Variants in DHX38 observed in about 807,000 individuals in gnomAD.
DHX38 encodes the protein DEAH-box helicase 38.
In DHX38, 100 loss-of-function variants were observed where a neutral mutation model predicts 153.1. The observed-to-expected ratio is 0.65, with a 90% confidence interval of 0.56 to 0.77. The LOEUF (loss-of-function observed/expected upper bound fraction) is 0.77. DHX38 is among the 30% of genes least tolerant of loss of function. DHX38 has a pLI of 0.00. For missense variants in DHX38, 1,440 were observed against 1,654.0 expected, an observed-to-expected ratio of 0.87 and a Z score of 2.24; for synonymous variants, 650 against 631.7, an observed-to-expected ratio of 1.03 and a Z score of -0.43.
chr16:72,106,043 C>G lies in DHX38; in HGVS notation c.2526C>G (p.Ile842Met). The G allele has an allele frequency of 6.2e-7, 1 of 1,614,240 alleles. No individual in the cohort carries two copies. Among genetic ancestry groups the G allele is most frequent in the Non-Finnish European group, 8.5e-7 (1 of 1,180,040 alleles). ...NPRIGMDALQ[I>M]YPISQANANQ... Reference sequence around the variant, plus strand: ...GGATTGGCATGGATGCTCTGCAGATCTATCCCATTAGCCAGGCCAATGCCA... The same window carrying G: ...GGATTGGCATGGATGCTCTGCAGATGTATCCCATTAGCCAGGCCAATGCCA... The change falls in exon 19 of 27, where the codon ATC (isoleucine) becomes ATG (methionine). Residue 842 changes from isoleucine to methionine, a missense_variant. Ile to Met is a conservative substitution (Grantham distance 10). This residue lies in a region of DHX38 where 543 missense variants were observed against 717.9 expected (regional missense o/e 0.76). Coordinates refer to ENST00000268482, the MANE Select transcript of DHX38 (RefSeq NM_014003.4).
At position 72,099,804 on chromosome 16, in the gene DHX38, G is replaced by C; in HGVS notation, c.1033G>C (p.Glu345Gln). Residue 345 changes from glutamate (E) to glutamine (Q), a missense_variant, in exon 8 of 27, where the codon GAG becomes CAG. Around this residue, in one of 6 missense-constraint regions of DHX38, gnomAD observed 483 missense variants for 465.1 expected, o/e 1.04. Transcript: ENST00000268482. ...CCACAACCCGCTGGCCTACTCCTCC[G>C]AGGACTACGTGAGGAGGCGGGAGCA... Reference protein sequence around the residue: ...EFHNPLAYSSEDYVRRREQHL... With the variant: ...EFHNPLAYSSQDYVRRREQHL... 6.2e-7 allele frequency: 1 copy of C among 1,614,120 alleles called. No homozygotes were observed. Among genetic ancestry groups the C allele is most frequent in the Non-Finnish European group, 8.5e-7 (1 of 1,180,008 alleles).
chr16:72,107,411 T>G lies in DHX38; in HGVS notation c.2672T>G (p.Leu891Arg). 6.2e-7 allele frequency: 1 copy of G among 1,614,126 alleles called. No homozygotes were observed. Among genetic ancestry groups the G allele is most frequent in the Non-Finnish European group, 8.5e-7 (1 of 1,180,026 alleles). ...GTGCCCGAGATCCAGAGGACTAACC[T>G]GGCCAACGTGGTGCTGCTGCTCAAG... is the stretch of plus-strand genomic sequence containing the variant. Reference protein sequence around the residue: ...TTVPEIQRTNLANVVLLLKSL... With the variant: ...TTVPEIQRTNRANVVLLLKSL... The change falls in exon 20 of 27, where the codon CTG becomes CGG. Residue 891 changes from leucine to arginine, a missense_variant. Coordinates refer to ENST00000268482, the MANE Select transcript of DHX38 (RefSeq NM_014003.4). This position sits in a 1 kb window ranked among gnomAD's most constrained non-coding sequence, Gnocchi z 5.3.
chr16:72,103,805 G>A lies in DHX38; in HGVS notation c.1824+17G>A. On this transcript the variant is annotated intron_variant, in intron 13 of 26. Coordinates refer to ENST00000268482, the MANE Select transcript of DHX38 (RefSeq NM_014003.4). ...GGCGAGGAGGTGAGTGGGCGTGGGG[G>A]CTGAGCCATGTAGTTATTCCCTAGT... 2 of 1,606,358 alleles carry A rather than the reference G, an allele frequency of 1.2e-6. No individual in the cohort carries two copies. Among genetic ancestry groups the A allele is most frequent in the Non-Finnish European group, 1.7e-6 (2 of 1,173,576 alleles).
chr16:72,104,648 G>A lies in DHX38; in HGVS notation c.2151+22G>A, dbSNP rs761349483. ...CAAGGTATTGAGGCCACCATGTTAC[G>A]AACTGACCCTTCCATGCCACGCACT... On this transcript the variant is annotated intron_variant, in intron 15 of 26. Transcript: ENST00000268482. This position sits in a 1 kb window ranked among gnomAD's most constrained non-coding sequence, Gnocchi z 4.5. 35 of 1,613,636 alleles carry A rather than the reference G, an allele frequency of 2.2e-5. No homozygotes were observed. Among genetic ancestry groups the A allele is most frequent in the East Asian group, 6.7e-5 (3 of 44,874 alleles).
Position 72,109,969 on chromosome 16 carries a change from G to A in DHX38, c.3477+459G>A, listed in dbSNP as rs868765492. 7.9e-5 allele frequency among the ~76,000 whole-genome samples: 12 copies of A among 152,054 alleles called. No individual in the cohort carries two copies. In the South Asian group the frequency reaches 1.2e-3, roughly 16 times the overall value. ...AAATTTTAAATATAACCTCTGTGCC[G>A]TTATCACTCATAAAAAAATGAATAC... On this transcript the variant is annotated intron_variant, in intron 25 of 26. Transcript: ENST00000268482.
At position 72,098,754 on chromosome 16, in the gene DHX38, T is replaced by C; in HGVS notation, c.726T>C (p.Ser242=). Residue 242 remains serine, a synonymous_variant, in exon 5 of 27, where the codon TCT becomes TCC. Coordinates refer to ENST00000268482, the MANE Select transcript of DHX38 (RefSeq NM_014003.4). ...CCCCGACGCCTTCCTATCGGGATTC[T>C]GAGCGGAGCCATCGGCTGTCCACTC... ...SPSPTPSYRD[S]ERSHRLSTRD... is the part of the protein sequence containing the mutation. The C allele has an allele frequency of 6.2e-7, 1 of 1,614,240 alleles. No homozygotes were observed. Among genetic ancestry groups the C allele is most frequent in the Non-Finnish European group, 8.5e-7 (1 of 1,180,050 alleles).
At chr16:72,109,125 C>T (rs2042224296) in intron 24 of DHX38, among the ~76,000 whole-genome samples, 200 bp downstream of exon 24, 1 of 152,196 alleles carries the variant, frequency 6.6e-6, no homozygotes, top group Non-Finnish European at 1.5e-5. Flanking sequence ...CTGCATTGAC[C>T]TCAGCTGCAT....
At chr16:72,099,963 A>G (rs919319210) in intron 8 of DHX38, 76 bp downstream of exon 8, 20 of 1,522,314 alleles carry the variant, frequency 1.3e-5, no homozygotes, top group Non-Finnish European at 1.8e-5. Flanking sequence ...GGTTATCCCC[A>G]AGTGAGGGCA....
chr16:72,107,386 G>A lies in DHX38; in HGVS notation c.2647G>A (p.Val883Met). Residue 883 changes from valine to methionine, a missense_variant, in exon 20 of 27, where the codon GTG becomes ATG. Val to Met is a conservative substitution (Grantham distance 21). Around this residue, in one of 6 missense-constraint regions of DHX38, gnomAD observed 543 missense variants for 717.9 expected, o/e 0.76. Transcript: ENST00000268482. The surrounding 1 kb of genome is among the most constrained non-coding windows in gnomAD (Gnocchi z 5.3). ...CAAGAATGAGCTCCTGACCACCACAGTGCCCGAGATCCAGAGGACTAACCT... is the reference window on the plus strand; with the variant it reads ...CAAGAATGAGCTCCTGACCACCACAATGCCCGAGATCCAGAGGACTAACCT... Reference protein sequence around the residue: ...AYKNELLTTTVPEIQRTNLAN... With the variant: ...AYKNELLTTTMPEIQRTNLAN... The A allele has an allele frequency of 1.2e-6, 2 of 1,613,502 alleles. No individual in the cohort carries two copies. The highest frequency in any genetic ancestry group is 1.7e-6 in the Non-Finnish European group (2 of 1,180,030).
rs943359439 is a variant in DHX38 at position 72,104,299 on chromosome 16, C to T, written c.2010+168C>T. On this transcript the variant is annotated intron_variant, in intron 14 of 26. Coordinates refer to ENST00000268482, the MANE Select transcript of DHX38 (RefSeq NM_014003.4). This position sits in a 1 kb window ranked among gnomAD's most constrained non-coding sequence, Gnocchi z 4.5. The stretch of plus-strand genomic sequence containing the variant: ...GGTTGTAGTTCATGCTGTTCTTGCT[C>T]TGCTGAGGGTGGCTTGGGGTTTTCT... 5.1e-6 allele frequency: 6 copies of T among 1,186,576 alleles called. No homozygotes were observed. The highest frequency in any genetic ancestry group is 2.7e-5 in the Admixed American group (1 of 37,630). The allele number at this position is 1,186,576 out of a possible 1,614,324, so 73.5% of individuals were successfully genotyped here. A position where few individuals can be genotyped will look rare whatever the true frequency, so the allele number is the denominator to read the frequency against.
rs201334464 is a variant in DHX38, at chr16:72,096,192, G to A, written c.35G>A (p.Arg12Gln). 6.2e-6 allele frequency: 10 copies of A among 1,608,668 alleles called. No homozygotes were observed. The highest frequency in any genetic ancestry group is 2.2e-5 in the East Asian group (1 of 44,730). ...ACCAGTGAGGATGCCTCGATCCATCGATTGGAAGGCACTGATCTGGACTGT... is the reference window on the plus strand; with the variant it reads ...ACCAGTGAGGATGCCTCGATCCATCAATTGGAAGGCACTGATCTGGACTGT... ...GDTSEDASIH[R>Q]LEGTDLDCQV... Residue 12 changes from arginine to glutamine, a missense_variant, in exon 2 of 27, where the codon CGA becomes CAA. Transcript: ENST00000268482.
At position 72,097,012 on chromosome 16, in the gene DHX38, A is replaced by T. The variant is rs751442718; in HGVS notation, c.511+3A>T. The T allele has an allele frequency of 2.5e-6, 4 of 1,613,054 alleles. No homozygotes were observed. Among genetic ancestry groups the T allele is most frequent in the South Asian group, 2.2e-5 (2 of 90,974 alleles). On this transcript the variant is annotated splice_donor_region_variant and intron_variant, in intron 3 of 26. Transcript: ENST00000268482. Reference sequence around the variant, plus strand: ...CTATGACCGCAAGAGGGACAGAGGTAAACTGTCCAGCACAGTTCCTATTGT... The same window carrying T: ...CTATGACCGCAAGAGGGACAGAGGTTAACTGTCCAGCACAGTTCCTATTGT...
chr16:72,109,091 C>T (rs1215382930), intron 24 of DHX38, among the ~76,000 whole-genome samples, 166 bp downstream of exon 24: 3 of 152,232 alleles, frequency 2.0e-5, no homozygotes, highest in Admixed American at 2.0e-4. Flanking sequence ...CTTGGGGAAG[C>T]TCTGCACAGG....
At chr16:72,100,721 A>G in intron 9 of DHX38, 124 bp downstream of exon 9, 1 of 1,356,330 alleles carries the variant, frequency 7.4e-7, no homozygotes, top group East Asian at 2.4e-5. Flanking sequence ...ATTGGATACC[A>G]GGAGTTCAAG....
chr16:72,105,761 C>A, intron 18 of DHX38, 137 bp downstream of exon 18: 1 of 844,650 alleles, frequency 1.2e-6, no homozygotes, highest in Non-Finnish European at 1.9e-6. Context: ...GGGAGGCTCA[C>A]ATTGACTCAC....
rs768412606 is a variant in DHX38, at chr16:72,108,520, G to T, written c.3168G>T (p.Arg1056=). 11 of 1,614,208 alleles carry T rather than the reference G, an allele frequency of 6.8e-6. No homozygotes were observed. Among genetic ancestry groups the T allele is most frequent in the Non-Finnish European group, 7.6e-6 (9 of 1,180,034 alleles). Reference sequence around the variant, plus strand: ...TCAAGGACATCATGGTGCAGCAGCGGATGAGCCTGGCCTCGTGTGGCACTG... The same window carrying T: ...TCAAGGACATCATGGTGCAGCAGCGTATGAGCCTGGCCTCGTGTGGCACTG... ...AQLKDIMVQQ[R]MSLASCGTDW... is the part of the protein sequence containing the mutation. Residue 1056 remains arginine, a synonymous_variant, in exon 23 of 27, where the codon CGG becomes CGT. Transcript: ENST00000268482.
At chr16:72,094,770 TTTTAA>T (rs1463295588) in intron 1 of DHX38, among the ~76,000 whole-genome samples, 3 of 152,254 alleles carry the variant, frequency 2.0e-5, no homozygotes, top group African/African-American at 7.2e-5. Flanking sequence ...TTAATTCATT[TTTTAA>T]TTTATCAAAC....
intron 9 of DHX38, 69 bp downstream of exon 9, chr16:72,100,666 C>T (rs1418506249): frequency 6.4e-7 from 1 of 1,572,746 alleles, no homozygotes; most frequent in African/African-American, 1.3e-5. Context: ...TGCAGTGGCT[C>T]ATGCCTGTCA....
Position 72,104,163 on chromosome 16 carries a change from A to T in DHX38, c.2010+32A>T, listed in dbSNP as rs763935398. 39 of 1,607,312 alleles carry T rather than the reference A, an allele frequency of 2.4e-5. No homozygotes were observed. The highest frequency in any genetic ancestry group is 3.1e-5 in the Non-Finnish European group (36 of 1,175,336). On this transcript the variant is annotated intron_variant, in intron 14 of 26. Coordinates refer to ENST00000268482, the MANE Select transcript of DHX38 (RefSeq NM_014003.4). The surrounding 1 kb of genome is among the most constrained non-coding windows in gnomAD (Gnocchi z 4.5). The stretch of plus-strand genomic sequence containing the variant: ...GCTGTGTGGTTTGGTCTCTCTGCGC[A>T]TGGGGTGTTGACCAGTGCACCACCA...
Sources: gnomAD v4.1 joint callset for allele counts (sites outside exome capture counted in the v4.1 genomes callset) on GRCh38, gnomAD v4.1.1 for gene constraint, gnomAD v4.1.1 regional missense constraint, Gnocchi (gnomAD v3.1) non-coding constraint, MANE v1.5 for transcripts, NCBI Gene and HGNC (gene_info 2026-07-23, HGNC 2026-07-21) for gene names.